Variants in RFX7 observed in about 807,000 individuals in gnomAD.
The protein encoded by RFX7 is regulatory factor X7.
A neutral mutation model predicts 111.8 loss-of-function variants in RFX7; 26 were observed. The observed-to-expected ratio is 0.23, with a 90% CI of 0.17 to 0.32. The LOEUF (loss-of-function observed/expected upper bound fraction) is 0.32, where lower values mean the gene tolerates loss of function less well. Ranked by LOEUF, RFX7 falls within the 10% of genes least tolerant of loss-of-function variation. The pLI is 1.00. For synonymous variants in RFX7, 624 were observed against 624.4 expected (o/e 1.00, Z 0.01); for missense variants, 1,573 against 1,772.9 (o/e 0.89, Z 2.02).
intron 3 of RFX7, among the ~76,000 whole-genome samples, chr15:56,173,462 T>C (rs1470190365): frequency 6.6e-6 from 1 of 152,178 alleles, no homozygotes; most frequent in Non-Finnish European, 1.5e-5. Flanking sequence ...TTATGACCTG[T>C]AATTGCAACG....
chr15:56,105,025 C>A lies in RFX7; in HGVS notation c.402-1355G>T, dbSNP rs1191156766. On this transcript the variant is annotated intron_variant, in intron 5 of 9. Coordinates refer to ENST00000559447, the MANE Select transcript of RFX7 (RefSeq NM_022841.7). Reference sequence around the variant, plus strand: ...GGGTGCTGACAATGGAAATGAGCTGCATCAAATCATAACAATTTCAGAAGC... The same window carrying A: ...GGGTGCTGACAATGGAAATGAGCTGAATCAAATCATAACAATTTCAGAAGC... Among the ~76,000 whole-genome samples, 9 of 152,144 alleles carry A rather than the reference C, an allele frequency of 5.9e-5. No homozygotes were observed. In the South Asian group the frequency reaches 1.7e-3, roughly 28 times the overall value.
At chr15:56,115,983 G>T (rs1372083444) in intron 5 of RFX7, among the ~76,000 whole-genome samples, 1 of 151,812 alleles carries the variant, frequency 6.6e-6, no homozygotes, top group Non-Finnish European at 1.5e-5. Flanking sequence ...AAAATGTCCA[G>T]ATTTATGATT....
chr15:56,118,898 T>C (rs1033649750), intron 5 of RFX7, among the ~76,000 whole-genome samples: 1 of 151,804 alleles, frequency 6.6e-6, no homozygotes, highest in Non-Finnish European at 1.5e-5. Flanking sequence ...TGAACTGGGG[T>C]GAGACTATAT....
rs753676383 is a variant in RFX7, at chr15:56,095,252, T to C, written c.2476A>G (p.Met826Val). ...LEKSVWELEG[M>V]PQDTYSQQLH... ...TGCTGGCTATATGTGTCCTGTGGCA[T>C]TCCTTCTAATTCCCAAACAGATTTC... Residue 826 changes from methionine (M) to valine (V), a missense_variant, in exon 10 of 10, where the codon ATG becomes GTG. Met to Val is a conservative substitution (Grantham distance 21). Coordinates refer to ENST00000559447, the MANE Select transcript of RFX7 (RefSeq NM_022841.7). 6.2e-7 allele frequency: 1 copy of C among 1,613,896 alleles called. No individual in the cohort carries two copies. Among genetic ancestry groups the C allele is most frequent in the Non-Finnish European group, 8.5e-7 (1 of 1,179,792 alleles).
At chr15:56,119,363 T>C (rs1300005364) in intron 5 of RFX7, among the ~76,000 whole-genome samples, 1 of 152,222 alleles carries the variant, frequency 6.6e-6, no homozygotes, top group African/African-American at 2.4e-5. Flanking sequence ...CATTTTAGTA[T>C]AGGGCAAGAG....
chr15:56,168,685 T>C (rs1333860314), intron 3 of RFX7, among the ~76,000 whole-genome samples: 1 of 144,264 alleles, frequency 6.9e-6, no homozygotes, highest in Non-Finnish European at 1.5e-5. Context: ...CAGGTAGGGG[T>C]AGCCATGTTG....
intron 2 of RFX7, among the ~76,000 whole-genome samples, chr15:56,221,583 G>A (rs985415485): frequency 1.3e-5 from 2 of 152,104 alleles, no homozygotes; most frequent in South Asian, 4.1e-4. Flanking sequence ...TTAAGTTAAT[G>A]GTCTTGTTTT....
intron 2 of RFX7, among the ~76,000 whole-genome samples, chr15:56,199,165 C>T (rs1435382390): frequency 1.3e-5 from 2 of 152,136 alleles, no homozygotes; most frequent in East Asian, 1.9e-4. Flanking sequence ...CAAGAGAAGG[C>T]TGTAAATCAA....
chr15:56,131,634 G>A (rs893432370), intron 5 of RFX7, among the ~76,000 whole-genome samples: 2 of 152,064 alleles, frequency 1.3e-5, no homozygotes, highest in African/African-American at 4.8e-5. Flanking sequence ...AATCTCATTT[G>A]GATGCCAAAA....
At chr15:56,111,912 C>T (rs1053142832) in intron 5 of RFX7, among the ~76,000 whole-genome samples, 3 of 151,754 alleles carry the variant, frequency 2.0e-5, no homozygotes, top group Non-Finnish European at 2.9e-5. Context: ...GTCAGGAGGT[C>T]GAGACCAGCC....
At chr15:56,108,894 A>C (rs1157446864) in intron 5 of RFX7, among the ~76,000 whole-genome samples, 1 of 152,202 alleles carries the variant, frequency 6.6e-6, no homozygotes, top group Non-Finnish European at 1.5e-5. Flanking sequence ...GCATTCCTAT[A>C]CATCAATAGA....
chr15:56,106,670 G>A (rs2041834217), intron 5 of RFX7, among the ~76,000 whole-genome samples: 1 of 151,742 alleles, frequency 6.6e-6, no homozygotes, highest in Non-Finnish European at 1.5e-5. Flanking sequence ...ATTTCTAGTG[G>A]TTGTAATTTT....
intron 5 of RFX7, among the ~76,000 whole-genome samples, chr15:56,131,177 C>T (rs1298110633): frequency 6.6e-6 from 1 of 150,900 alleles, no homozygotes; most frequent in Non-Finnish European, 1.5e-5. Context: ...CTAAATAATA[C>T]ACTTGAAAAC....
intron 2 of RFX7, among the ~76,000 whole-genome samples, chr15:56,240,114 T>C (rs1172232472): frequency 1.3e-5 from 2 of 151,568 alleles, no homozygotes; most frequent in African/African-American, 2.4e-5. Context: ...TTCTTTTTTT[T>C]TTTTTAACAA....
intron 2 of RFX7, among the ~76,000 whole-genome samples, chr15:56,205,826 A>G (rs1037293336): frequency 2.0e-5 from 3 of 152,180 alleles, no homozygotes; most frequent in African/African-American, 7.2e-5. Context: ...AGCTTTTCCA[A>G]CAAATGGTGC....
chr15:56,109,767 T>C (rs1268750753), intron 5 of RFX7, among the ~76,000 whole-genome samples: 13 of 146,526 alleles, frequency 8.9e-5, no homozygotes, highest in African/African-American at 1.5e-4. Context: ...ACCCTCTGCC[T>C]GGCAACCGCC....
intron 5 of RFX7, among the ~76,000 whole-genome samples, chr15:56,126,704 G>T (rs1167008559): frequency 6.6e-6 from 1 of 151,892 alleles, no homozygotes; most frequent in Non-Finnish European, 1.5e-5. Flanking sequence ...GTAAATAAAA[G>T]AACCAGAAAA....
intron 2 of RFX7, among the ~76,000 whole-genome samples, chr15:56,220,478 C>A (rs187004400): frequency 6.6e-6 from 1 of 151,834 alleles, no homozygotes; most frequent in African/African-American, 2.4e-5. Flanking sequence ...GTGATCCACC[C>A]GCCTCGGCCT....
intron 2 of RFX7, among the ~76,000 whole-genome samples, chr15:56,218,797 C>T (rs139342329): frequency 3.6e-4 from 55 of 152,284 alleles, no homozygotes; most frequent in African/African-American, 1.2e-3. Context: ...AAATGAGGTA[C>T]AAATACAAAT....
Sources: gnomAD v4.1 joint callset for allele counts (sites outside exome capture counted in the v4.1 genomes callset) on GRCh38, gnomAD v4.1.1 for gene constraint, MANE v1.5 for transcripts, NCBI Gene and HGNC (gene_info 2026-07-23, HGNC 2026-07-21) for gene names.